TRIM24: variants seen among roughly 807,000 people sequenced by gnomAD.
The protein encoded by TRIM24 is transcription intermediary factor 1-alpha.
Under a neutral mutation model 123.9 loss-of-function variants are expected in TRIM24, and 29 were observed. The observed-to-expected ratio is 0.23, with a 90% CI of 0.17 to 0.32. The LOEUF (loss-of-function observed/expected upper bound fraction) is 0.32, where lower values mean the gene tolerates loss of function less well. Ranked by LOEUF, TRIM24 falls within the 10% of genes least tolerant of loss-of-function variation. The probability of loss-of-function intolerance (pLI) is 1.00; values close to 1 mark genes in which losing one functional copy is unlikely to be tolerated. For missense variants in TRIM24, 932 were observed against 1,295.3 expected (o/e 0.72, Z 4.31); for synonymous variants, 456 against 461.1 (o/e 0.99, Z 0.14).
intron 3 of TRIM24, among the ~76,000 whole-genome samples, chr7:138,515,662 TAAC>T (rs980270972): frequency 1.1e-4 from 17 of 152,334 alleles, no homozygotes; most frequent in South Asian, 6.2e-4. Context: ...ATCTCTAAGA[TAAC>T]AACAAAGAGT....
chr7:138,570,079 C>T (rs965121696), intron 10 of TRIM24, among the ~76,000 whole-genome samples: 2 of 151,934 alleles, frequency 1.3e-5, no homozygotes, highest in Admixed American at 1.3e-4. Flanking sequence ...TCCCAAGTAG[C>T]TGGGATTACA....
At chr7:138,534,537 T>C (rs888646099) in intron 6 of TRIM24, among the ~76,000 whole-genome samples, 1 of 152,244 alleles carries the variant, frequency 6.6e-6, no homozygotes, top group Non-Finnish European at 1.5e-5. Context: ...AGTGAGTTTC[T>C]TAATCCTGAG....
intron 6 of TRIM24, among the ~76,000 whole-genome samples, chr7:138,530,497 A>T (rs1191051060): frequency 6.6e-6 from 1 of 152,048 alleles, no homozygotes; most frequent in Non-Finnish European, 1.5e-5. Context: ...ACAGGGTCTC[A>T]CTCTGTTGCC....
At chr7:138,582,208 C>G (rs1462704958) in intron 17 of TRIM24, among the ~76,000 whole-genome samples, 2 of 152,140 alleles carry the variant, frequency 1.3e-5, no homozygotes, top group Admixed American at 1.3e-4. Context: ...GAAGTATGTG[C>G]GCAGGTGCTA....
chr7:138,460,385 C>T lies in TRIM24; in HGVS notation c.-164C>T. On this transcript the variant is annotated 5_prime_UTR_variant, in exon 1 of 19. Transcript: ENST00000343526. ...CACTCGGGAGGCGGATCCCGTGGGC[C>T]TGAGGAGGCTTCCCCCGCCCGGTTT... 4 of 664,590 alleles carry T rather than the reference C, an allele frequency of 6.0e-6. No homozygotes were observed. Among genetic ancestry groups the T allele is most frequent in the Non-Finnish European group, 8.5e-6 (4 of 468,960 alleles). 41.2% of individuals were successfully genotyped at this position (664,590 alleles called of 1,614,324 possible).
chr7:138,508,126 T>A (rs1796189788), intron 2 of TRIM24, among the ~76,000 whole-genome samples: 1 of 152,212 alleles, frequency 6.6e-6, no homozygotes, highest in African/African-American at 2.4e-5. Context: ...ACCCCTTTGC[T>A]TCACTTGCTT....
At chr7:138,483,406 C>T (rs1795574664) in intron 1 of TRIM24, among the ~76,000 whole-genome samples, 1 of 152,084 alleles carries the variant, frequency 6.6e-6, no homozygotes, top group South Asian at 2.1e-4. Flanking sequence ...CTTTATCATG[C>T]TGCCTAAATT....
At position 138,508,724 on chromosome 7, in the gene TRIM24, T is replaced by TGTGTGTGCGTGTGC. The variant is rs1554436745; in HGVS notation, c.483+4323_483+4324insCGTGTGCGTGTGTG. 7.4e-5 allele frequency among the ~76,000 whole-genome samples: 11 copies of TGTGTGTGCGTGTGC among 148,820 alleles called. No individual in the cohort carries two copies. In the South Asian group the frequency reaches 1.1e-3, roughly 15 times the overall value. ...GCGTGTGTGCGTGTGTGTGTGCGTG[T>TGTGTGTGCGTGTGC]GTGTGTGTGTGTGTGTGTGTGTCAC... On this transcript the variant is annotated intron_variant, in intron 2 of 18. Coordinates refer to ENST00000343526, the MANE Select transcript of TRIM24 (RefSeq NM_015905.3).
At position 138,585,184 on chromosome 7, in the gene TRIM24, A is replaced by G. The variant is rs945639464; in HGVS notation, c.*233A>G. 3 of 352,650 alleles carry G rather than the reference A, an allele frequency of 8.5e-6. No homozygotes were observed. Among genetic ancestry groups the G allele is most frequent in the African/African-American group, 6.3e-5 (3 of 47,408 alleles). 21.8% of individuals were successfully genotyped at this position (352,650 alleles called of 1,614,324 possible). On this transcript the variant is annotated 3_prime_UTR_variant, in exon 19 of 19. Coordinates refer to ENST00000343526, the MANE Select transcript of TRIM24 (RefSeq NM_015905.3). The stretch of plus-strand genomic sequence containing the variant: ...AGAAAGAAAATGGAAAGAAGGAAAA[A>G]AGGAGGATAGAAAAAGGATGGAAGA...
chr7:138,552,476 G>T (rs549146364), intron 8 of TRIM24, among the ~76,000 whole-genome samples: 4 of 151,724 alleles, frequency 2.6e-5, no homozygotes, highest in Non-Finnish European at 5.9e-5. Flanking sequence ...TTCTCACAGG[G>T]AAACTATACA....
At chr7:138,506,492 G>A (rs111717855) in intron 2 of TRIM24, among the ~76,000 whole-genome samples, 5,517 of 152,228 alleles carry the variant, frequency 0.036, 149 homozygotes, top group Middle Eastern at 0.088. Flanking sequence ...AAAAAATACA[G>A]TAGCATAAGT....
intron 11 of TRIM24, among the ~76,000 whole-genome samples, chr7:138,571,427 T>C (rs1052397540): frequency 6.6e-6 from 1 of 152,222 alleles, no homozygotes; most frequent in African/African-American, 2.4e-5. Flanking sequence ...ATAAAAAGAT[T>C]ATGAACATTG....
At chr7:138,492,426 C>T (rs568663799) in intron 1 of TRIM24, among the ~76,000 whole-genome samples, 77 of 152,110 alleles carry the variant, frequency 5.1e-4, no homozygotes, top group African/African-American at 1.6e-3. Flanking sequence ...CCCATTCTGT[C>T]GGTTGTCTTT....
chr7:138,504,447 CTTTTTTTTTTT>C (rs750956455), intron 2 of TRIM24, 39 bp downstream of exon 2: 15 of 155,196 alleles, frequency 9.7e-5, no homozygotes, highest in South Asian at 2.9e-4. Flanking sequence ...CCTGCCAGCT[CTTTTTTTTTTT>C]TTTTTTTTTT....
In TRIM24 at chr7:138,580,593, T is replaced by C. The variant is rs1350568290; in HGVS notation, c.2617T>C (p.Leu873=). ...GEWICTFCRD[L]SKPEVEYDCD... ...GTGGATTTGCACTTTCTGCCGAGAC[T>C]TATCTAAACCAGAAGTTGAATATGA... Residue 873 remains leucine, a synonymous_variant, in exon 16 of 19, where the codon TTA becomes CTA. Transcript: ENST00000343526. The C allele has an allele frequency of 6.2e-7, 1 of 1,613,566 alleles. No individual in the cohort carries two copies. Among genetic ancestry groups the C allele is most frequent in the Admixed American group, 1.7e-5 (1 of 59,978 alleles).
rs568562414 is a variant in TRIM24, at chr7:138,463,989, CTTTTTTTTTTTT to C, written c.364+3089_364+3100del. The stretch of plus-strand genomic sequence containing the variant: ...ATACTAGCTGAAGCAAAAATTTAGA[CTTTTTTTTTTTT>C]TTTTTTTTTTTGAGACGGAGTCTCG... On this transcript the variant is annotated intron_variant, in intron 1 of 18. Transcript: ENST00000343526. Among the ~76,000 whole-genome samples, 111 of 50,764 alleles carry C rather than the reference CTTTTTTTTTTTT, an allele frequency of 2.2e-3. 4 individuals carry two copies. The highest frequency in any genetic ancestry group is 0.018 in the Middle Eastern group (1 of 56). 33.3% of individuals were successfully genotyped at this position (50,764 alleles called of 152,430 possible).
At position 138,460,813 on chromosome 7, in the gene TRIM24, C is replaced by T; in HGVS notation, c.265C>T (p.Leu89Phe). ...QRCLPAPQRY[L>F]MLPAPMLGSA... ...CTGCCTGCCCGCGCCCCAGCGCTAC[C>T]TCATGCTGCCCGCGCCCATGCTGGG... Residue 89 changes from leucine (L) to phenylalanine (F), a missense_variant, in exon 1 of 19, where the codon CTC becomes TTC. Physicochemically the swap from Leu to Phe is conservative, Grantham distance 22 (BLOSUM62 0). This residue lies in a region of TRIM24 where 164 missense variants were observed against 181.9 expected (regional missense o/e 0.90). Coordinates refer to ENST00000343526, the MANE Select transcript of TRIM24 (RefSeq NM_015905.3). The T allele has an allele frequency of 6.3e-7, 1 of 1,581,298 alleles. No individual in the cohort carries two copies. Among genetic ancestry groups the T allele is most frequent in the South Asian group, 1.1e-5 (1 of 88,132 alleles).
chr7:138,527,201 A>T (rs1036571294), intron 5 of TRIM24, among the ~76,000 whole-genome samples: 4 of 152,134 alleles, frequency 2.6e-5, no homozygotes, highest in African/African-American at 9.7e-5. Flanking sequence ...TTTCATGATC[A>T]TGATCATTGT....
intron 9 of TRIM24, among the ~76,000 whole-genome samples, chr7:138,563,276 G>A (rs1563061146): frequency 6.6e-6 from 1 of 152,158 alleles, no homozygotes; most frequent in Non-Finnish European, 1.5e-5. Context: ...CCTTTGACTG[G>A]TGGCATTTTT....
Sources: gnomAD v4.1 joint callset for allele counts (sites outside exome capture counted in the v4.1 genomes callset) on GRCh38, gnomAD v4.1.1 for gene constraint, gnomAD v4.1.1 regional missense constraint, MANE v1.5 for transcripts, NCBI Gene and HGNC (gene_info 2026-07-23, HGNC 2026-07-21) for gene names.